Variants in PRKCE observed in about 807,000 individuals in gnomAD.
The protein encoded by PRKCE is protein kinase C epsilon, also known as protein kinase C epsilon type.
In PRKCE, 16 loss-of-function variants were observed where a neutral mutation model predicts 85.4. That is an observed-to-expected ratio of 0.19 (90% CI 0.13 to 0.28). PRKCE has a LOEUF of 0.28. Among genes scored for constraint, PRKCE ranks in the 10% least tolerant of loss-of-function variants. The pLI, the probability that PRKCE is intolerant of heterozygous loss-of-function variation, is 1.00. For synonymous variants in PRKCE, 388 were observed against 371.5 expected (o/e 1.04, Z -0.51); for missense variants, 573 against 975.2 (o/e 0.59, Z 5.49).
intron 2 of PRKCE, among the ~76,000 whole-genome samples, chr2:45,935,446 A>G (rs947375400): frequency 1.3e-5 from 2 of 152,210 alleles, no homozygotes; most frequent in African/African-American, 4.8e-5. Context: ...ATACTATACC[A>G]TGTTTATAAA....
intron 1 of PRKCE, among the ~76,000 whole-genome samples, chr2:45,654,874 C>T (rs1675307353): frequency 6.6e-6 from 1 of 152,148 alleles, no homozygotes; most frequent in Non-Finnish European, 1.5e-5. Context: ...GCTAAGTTCA[C>T]CTTTCCCAGT....
chr2:46,085,237 C>G (rs906046594), intron 10 of PRKCE, among the ~76,000 whole-genome samples: 1 of 152,074 alleles, frequency 6.6e-6, no homozygotes, highest in African/African-American at 2.4e-5. Flanking sequence ...GTGGTTTGGC[C>G]GTTCTGAGGG....
At chr2:46,183,059 T>C (rs934169896) in intron 14 of PRKCE, among the ~76,000 whole-genome samples, 4 of 152,244 alleles carry the variant, frequency 2.6e-5, no homozygotes, top group African/African-American at 9.6e-5. Flanking sequence ...TACCAGCCTG[T>C]TCTGAGGATC....
At chr2:46,146,354 T>G (rs1454509912) in intron 12 of PRKCE, among the ~76,000 whole-genome samples, 1 of 152,272 alleles carries the variant, frequency 6.6e-6, no homozygotes, top group Non-Finnish European at 1.5e-5. Context: ...GGGCATTGTT[T>G]GAGCACGTGC....
At chr2:45,656,435 A>C (rs1407987521) in intron 1 of PRKCE, among the ~76,000 whole-genome samples, 1 of 152,210 alleles carries the variant, frequency 6.6e-6, no homozygotes, top group Non-Finnish European at 1.5e-5. Flanking sequence ...ATAATGAGAG[A>C]TGTTTCAGTT....
intron 6 of PRKCE, among the ~76,000 whole-genome samples, chr2:45,995,331 A>G (rs1406707707): frequency 1.3e-5 from 2 of 151,902 alleles, no homozygotes; most frequent in Non-Finnish European, 2.9e-5. Context: ...GGACAGAGCA[A>G]AAGTTTTTTA....
At chr2:45,857,863 T>C (rs1454410094) in intron 2 of PRKCE, among the ~76,000 whole-genome samples, 2 of 152,226 alleles carry the variant, frequency 1.3e-5, no homozygotes, top group African/African-American at 4.8e-5. Context: ...CAGGATACAG[T>C]AGTCCTTAGG....
intron 2 of PRKCE, among the ~76,000 whole-genome samples, chr2:45,864,329 C>G (rs1693407986): frequency 6.6e-6 from 1 of 152,280 alleles, no homozygotes; most frequent in South Asian, 2.1e-4. Flanking sequence ...GAAGGCAAGA[C>G]CTCAGAAAGC....
At chr2:45,818,179 T>G (rs1689237828) in intron 1 of PRKCE, among the ~76,000 whole-genome samples, 1 of 152,208 alleles carries the variant, frequency 6.6e-6, no homozygotes, top group Admixed American at 6.5e-5. Flanking sequence ...AAATTTAAGT[T>G]CTGTTTTTGT....
At chr2:45,815,389 G>A (rs527936560) in intron 1 of PRKCE, among the ~76,000 whole-genome samples, 1 of 152,306 alleles carries the variant, frequency 6.6e-6, no homozygotes, top group Admixed American at 6.5e-5. Context: ...AGAAGCTGAG[G>A]GGGTGCATTC....
chr2:45,753,841 C>T (rs1335398726), intron 1 of PRKCE, among the ~76,000 whole-genome samples: 1 of 152,128 alleles, frequency 6.6e-6, no homozygotes, highest in Non-Finnish European at 1.5e-5. Flanking sequence ...CTAACATTCC[C>T]CTCCCAAATA....
At chr2:46,133,951 T>A (rs1034218745) in intron 11 of PRKCE, among the ~76,000 whole-genome samples, 1 of 152,184 alleles carries the variant, frequency 6.6e-6, no homozygotes, top group African/African-American at 2.4e-5. Flanking sequence ...ATCTTTGGGA[T>A]AAAGGCAGAG....
intron 10 of PRKCE, among the ~76,000 whole-genome samples, chr2:46,071,703 A>G (rs900579812): frequency 3.9e-5 from 6 of 152,210 alleles, no homozygotes; most frequent in Admixed American, 6.5e-5. Flanking sequence ...CATTTGTGAC[A>G]TTACCCACTC....
At chr2:46,149,488 G>A (rs1197612168) in intron 12 of PRKCE, among the ~76,000 whole-genome samples, 1 of 152,104 alleles carries the variant, frequency 6.6e-6, no homozygotes, top group African/African-American at 2.4e-5. Flanking sequence ...AAATAATTGT[G>A]GAATGGGAAT....
intron 2 of PRKCE, among the ~76,000 whole-genome samples, chr2:45,892,031 C>A (rs542147252): frequency 2.0e-5 from 3 of 152,242 alleles, no homozygotes; most frequent in African/African-American, 7.2e-5. Flanking sequence ...TACCTTGGCC[C>A]TGCTCTCCAC....
intron 11 of PRKCE, among the ~76,000 whole-genome samples, chr2:46,112,124 A>T (rs1187260005): frequency 2.0e-5 from 3 of 152,218 alleles, no homozygotes; most frequent in African/African-American, 7.2e-5. Flanking sequence ...AGGAACCGAC[A>T]TCTTTATCAT....
At chr2:45,989,718 CA>C (rs1258254760) in intron 6 of PRKCE, among the ~76,000 whole-genome samples, 1 of 151,446 alleles carries the variant, frequency 6.6e-6, no homozygotes, top group Non-Finnish European at 1.5e-5. Flanking sequence ...TAATTTTCAA[CA>C]TTTCTGAAAA....
At chr2:46,117,560 C>G (rs1461884980) in intron 11 of PRKCE, among the ~76,000 whole-genome samples, 1 of 152,180 alleles carries the variant, frequency 6.6e-6, no homozygotes, top group Non-Finnish European at 1.5e-5. Flanking sequence ...TTCAGCCAAG[C>G]TGGGTGATTA....
chr2:46,055,583 T>C (rs1666499667), intron 10 of PRKCE, among the ~76,000 whole-genome samples: 1 of 152,232 alleles, frequency 6.6e-6, no homozygotes, highest in East Asian at 1.9e-4. Context: ...AAAATTCTTC[T>C]TTTTGAGCCA....
Sources: gnomAD v4.1 joint callset for allele counts (sites outside exome capture counted in the v4.1 genomes callset) on GRCh38, gnomAD v4.1.1 for gene constraint, MANE v1.5 for transcripts, NCBI Gene and HGNC (gene_info 2026-07-23, HGNC 2026-07-21) for gene names.